The following ZNF583 variants were observed in gnomAD, a reference collection of about 807,000 sequenced individuals.
ZNF583 encodes the protein zinc finger protein L3-5.
A neutral mutation model predicts 55.3 loss-of-function variants in ZNF583; 30 were observed. The observed-to-expected ratio is 0.54, with a 90% CI of 0.41 to 0.74. ZNF583 has a LOEUF of 0.74. Ranked by LOEUF, ZNF583 falls within the 30% of genes least tolerant of loss-of-function variation. ZNF583 has a pLI of 0.00. For missense variants in ZNF583, 504 were observed against 664.7 expected (o/e 0.76, Z 2.66); for synonymous variants, 208 against 220.0 (o/e 0.95, Z 0.48).
chr19:56,413,853 A>G (rs1038433691), intron 2 of ZNF583, 106 bp from the exon 3 acceptor site: 5 of 1,498,680 alleles, frequency 3.3e-6, no homozygotes, highest in East Asian at 2.3e-5. Flanking sequence ...AAGTTTTGCT[A>G]TGTGCAATAT....
At position 56,404,478 on chromosome 19, in the gene ZNF583, G is replaced by C. The variant is rs1341152611; in HGVS notation, c.-90+26G>C. Reference sequence around the variant, plus strand: ...GTGAGGAGCGCGGGATGGAGCTGACGCCGGGAGCGGCCATGCCACCATGTG... The same window carrying C: ...GTGAGGAGCGCGGGATGGAGCTGACCCCGGGAGCGGCCATGCCACCATGTG... On this transcript the variant is annotated intron_variant, in intron 1 of 4. Coordinates refer to ENST00000333201, the MANE Select transcript of ZNF583 (RefSeq NM_152478.3). The surrounding 1 kb of genome is among the most constrained non-coding windows in gnomAD (Gnocchi z 5.2). 2 of 153,242 alleles carry C rather than the reference G, an allele frequency of 1.3e-5. No individual in the cohort carries two copies. The highest frequency in any genetic ancestry group is 4.8e-5 in the African/African-American group (2 of 41,498). 9.5% of individuals were successfully genotyped at this position (153,242 alleles called of 1,614,324 possible). A position where few individuals can be genotyped will look rare whatever the true frequency, so the allele number is the denominator to read the frequency against.
chr19:56,415,091 T>C (rs73064033), intron 4 of ZNF583, among the ~76,000 whole-genome samples: 32,298 of 151,850 alleles, frequency 0.21, 3,716 homozygotes, highest in Middle Eastern at 0.3. Flanking sequence ...TCCTTTTAGA[T>C]TGAAGGATTG....
Position 56,423,344 on chromosome 19 carries a change from T to G in ZNF583, c.686T>G (p.Leu229Arg). The G allele has an allele frequency of 6.2e-7, 1 of 1,613,988 alleles. No homozygotes were observed. The highest frequency in any genetic ancestry group is 8.5e-7 in the Non-Finnish European group (1 of 1,179,972). The change falls in exon 5 of 5, where the codon CTT becomes CGT. Residue 229 changes from leucine (L) to arginine (R), a missense_variant. Leu to Arg is a moderately radical substitution (Grantham distance 102, BLOSUM62 -2). This residue lies in a region of ZNF583 where 237 missense variants were observed against 373.0 expected (regional missense o/e 0.64). Coordinates refer to ENST00000333201, the MANE Select transcript of ZNF583 (RefSeq NM_152478.3). ...KVFNQSSSLT[L>R]HQRIHTGEKP... ...TTCAACCAGAGCTCATCCCTTACTC[T>G]TCATCAGAGAATTCATACTGGAGAG...
intron 1 of ZNF583, among the ~76,000 whole-genome samples, chr19:56,405,429 C>T (rs1016626593): frequency 6.6e-6 from 1 of 152,044 alleles, no homozygotes; most frequent in African/African-American, 2.4e-5. Context: ...GGTTTGTTGT[C>T]TGTGATTTGT....
chr19:56,420,467 T>C (rs568233889), intron 4 of ZNF583, among the ~76,000 whole-genome samples: 21 of 152,306 alleles, frequency 1.4e-4, no homozygotes, highest in African/African-American at 4.6e-4. Context: ...AGATCCTCTT[T>C]GTTACTATTT....
At chr19:56,410,240 T>C (rs1467273733) in intron 2 of ZNF583, among the ~76,000 whole-genome samples, 2 of 152,220 alleles carry the variant, frequency 1.3e-5, no homozygotes, top group Non-Finnish European at 2.9e-5. Flanking sequence ...GTTTTTTCAA[T>C]TCAAAAACAA....
In ZNF583 at chr19:56,424,345, A is replaced by G. The variant is rs757046206; in HGVS notation, c.1687A>G (p.Arg563Gly). 6.6e-7 allele frequency: 1 copy of G among 1,514,838 alleles called. No individual in the cohort carries two copies. Among genetic ancestry groups the G allele is most frequent in the Non-Finnish European group, 9.2e-7 (1 of 1,091,586 alleles). The allele number at this position is 1,514,838 out of a possible 1,614,324, so 93.8% of individuals were successfully genotyped here. The change falls in exon 5 of 5, where the codon AGA becomes GGA. Residue 563 changes from arginine to glycine, a missense_variant. Around this residue, in one of 3 missense-constraint regions of ZNF583, gnomAD observed 63 missense variants for 56.5 expected, o/e 1.11. Transcript: ENST00000333201. ...PSPSTSNQLPRPVGFIS is the reference protein window; with the variant it reads ...PSPSTSNQLPGPVGFIS The stretch of plus-strand genomic sequence containing the variant: ...ACCCTCCACATCAAATCAGTTGCCA[A>G]GACCTGTAGGTTTCATCTCCTGAAT...
chr19:56,409,861 T>C (rs1365726197), intron 2 of ZNF583, among the ~76,000 whole-genome samples: 2 of 144,686 alleles, frequency 1.4e-5, no homozygotes, highest in East Asian at 3.8e-4. Context: ...TTGTTTCTCC[T>C]TTTTTGCTTT....
rs1375414036 is a variant in ZNF583 at position 56,404,438 on chromosome 19, T to G, written c.-104T>G. 2.0e-5 allele frequency: 3 copies of G among 152,818 alleles called. No individual in the cohort carries two copies. Among genetic ancestry groups the G allele is most frequent in the Non-Finnish European group, 4.4e-5 (3 of 68,534 alleles). The allele number at this position is 152,818 out of a possible 1,614,324, so 9.5% of individuals were successfully genotyped here. On this transcript the variant is annotated 5_prime_UTR_variant, in exon 1 of 5. Transcript: ENST00000333201. This position sits in a 1 kb window ranked among gnomAD's most constrained non-coding sequence, Gnocchi z 5.2. ...GGACCGCGCCGAAGGAGGTGCCCACTGGAGGGAGGAGGCGGTGAGGAGCGC... is the reference window on the plus strand; with the variant it reads ...GGACCGCGCCGAAGGAGGTGCCCACGGGAGGGAGGAGGCGGTGAGGAGCGC...
intron 1 of ZNF583, among the ~76,000 whole-genome samples, chr19:56,405,664 C>T (rs1354987681): frequency 2.6e-5 from 4 of 152,082 alleles, no homozygotes; most frequent in African/African-American, 9.7e-5. Context: ...TTCCATCCCT[C>T]TCAGTCTCTG....
chr19:56,410,991 T>C (rs545593945), intron 2 of ZNF583, among the ~76,000 whole-genome samples: 17 of 151,232 alleles, frequency 1.1e-4, no homozygotes, highest in African/African-American at 3.9e-4. Context: ...AGGGAAAAAA[T>C]TGGCTGGGTG....
chr19:56,411,479 T>C (rs953335399), intron 2 of ZNF583, among the ~76,000 whole-genome samples: 1 of 152,218 alleles, frequency 6.6e-6, no homozygotes, highest in African/African-American at 2.4e-5. Context: ...AAACACAGAC[T>C]CTATTAGTTC....
chr19:56,414,018 G>A lies in ZNF583; in HGVS notation c.69G>A (p.Leu23=), dbSNP rs1261716640. 7 of 1,613,548 alleles carry A rather than the reference G, an allele frequency of 4.3e-6. No individual in the cohort carries two copies. Among genetic ancestry groups the A allele is most frequent in the Middle Eastern group, 1.7e-4 (1 of 6,058 alleles). ...VNFSQEEWEW[L]NPAQRNLYRK... ...TCTCTCAAGAGGAATGGGAATGGCTGAACCCTGCTCAGAGGAATTTGTACA... is the reference window on the plus strand; with the variant it reads ...TCTCTCAAGAGGAATGGGAATGGCTAAACCCTGCTCAGAGGAATTTGTACA... The change falls in exon 3 of 5, where the codon CTG becomes CTA. Residue 23 remains leucine (L), a synonymous_variant. Coordinates refer to ENST00000333201, the MANE Select transcript of ZNF583 (RefSeq NM_152478.3).
intron 4 of ZNF583, among the ~76,000 whole-genome samples, chr19:56,418,610 T>C (rs894616095): frequency 1.3e-5 from 2 of 152,224 alleles, no homozygotes; most frequent in African/African-American, 4.8e-5. Context: ...ATATTAGCTT[T>C]ACATCTTATG....
chr19:56,414,647 A>C, intron 4 of ZNF583: 1 of 513,618 alleles, frequency 1.9e-6, no homozygotes, highest in Non-Finnish European at 3.4e-6. Flanking sequence ...CTTCTCTGAC[A>C]GTAATCTTCT....
At chr19:56,412,394 T>G (rs1215737622) in intron 2 of ZNF583, among the ~76,000 whole-genome samples, 1 of 152,246 alleles carries the variant, frequency 6.6e-6, no homozygotes, top group African/African-American at 2.4e-5. Flanking sequence ...CCGTGTTATC[T>G]TAAAGATCCT....
intron 1 of ZNF583, among the ~76,000 whole-genome samples, chr19:56,405,170 A>C (rs991145590): frequency 6.6e-6 from 1 of 152,124 alleles, no homozygotes; most frequent in Non-Finnish European, 1.5e-5. Context: ...GTGAAACTGT[A>C]TGTGAACAGA....
intron 1 of ZNF583, among the ~76,000 whole-genome samples, chr19:56,406,733 T>A (rs2147548653): frequency 6.6e-6 from 1 of 152,250 alleles, no homozygotes; most frequent in Non-Finnish European, 1.5e-5. Flanking sequence ...TTCCCCGTGT[T>A]AGCCAGGATG....
rs777316743 is a variant in ZNF583 at position 56,423,094 on chromosome 19, CATAAAG to C, written c.438_443del (p.His146_Glu148delinsGln). The C allele has an allele frequency of 6.2e-7, 1 of 1,612,626 alleles. No individual in the cohort carries two copies. The highest frequency in any genetic ancestry group is 8.5e-7 in the Non-Finnish European group (1 of 1,179,586). ...ACATCTTAGTCAATTAATCATCACTCATAAAGAAATCCTTCCAGAAGTTCAAAATAA... is the reference window on the plus strand; with the variant it reads ...ACATCTTAGTCAATTAATCATCACTCAAATCCTTCCAGAAGTTCAAAATAA... On this transcript the variant is annotated inframe_deletion, in exon 5 of 5. Transcript: ENST00000333201.
Sources: allele counts gnomAD v4.1 joint callset (sites outside exome capture counted in the v4.1 genomes callset), GRCh38; gene constraint gnomAD v4.1.1; regional missense constraint gnomAD v4.1.1; non-coding constraint Gnocchi (gnomAD v3.1); transcripts MANE v1.5; gene names NCBI Gene and HGNC (gene_info 2026-07-23, HGNC 2026-07-21).